Variants in BACH1 observed in about 807,000 individuals in gnomAD.
BACH1 encodes BTB domain and CNC homolog 1.
BACH1 carries 35 observed loss-of-function variants against 52.9 expected under a neutral mutation model. That is an observed-to-expected ratio of 0.66 (90% CI 0.51 to 0.88). The LOEUF is 0.88. Among genes scored for constraint, BACH1 ranks in the 40% least tolerant of loss-of-function variants. BACH1 has a pLI of 0.00. For missense variants in BACH1, 808 were observed against 872.6 expected (o/e 0.93, Z 0.93); for synonymous variants, 321 against 319.6 (o/e 1.00, Z -0.05).
chr21:29,299,118 C>T (rs1450733576), intron 1 of BACH1, among the ~76,000 whole-genome samples, 165 bp downstream of exon 1: 3 of 149,636 alleles, frequency 2.0e-5, no homozygotes, highest in Admixed American at 2.0e-4. Flanking sequence ...TATCGGGGCC[C>T]GCGGGGGGCG....
intron 2 of BACH1, among the ~76,000 whole-genome samples, chr21:29,360,247 G>A (rs549944212): frequency 5.3e-5 from 8 of 152,146 alleles, no homozygotes; most frequent in Non-Finnish European, 1.0e-4. Context: ...ACTTCCTGAC[G>A]CTGTCATAGG....
chr21:29,355,723 A>T (rs564408671), intron 2 of BACH1, among the ~76,000 whole-genome samples: 1 of 152,330 alleles, frequency 6.6e-6, no homozygotes, highest in South Asian at 2.1e-4. Context: ...AACAGATTTG[A>T]CAAGGAGGTT....
intron 2 of BACH1, among the ~76,000 whole-genome samples, chr21:29,323,045 T>C (rs1055528020): frequency 3.9e-5 from 6 of 151,998 alleles, no homozygotes; most frequent in Non-Finnish European, 8.8e-5. Context: ...AAATCATAAG[T>C]TTTCAAATAT....
At chr21:29,324,843 T>C (rs986951566) in intron 2 of BACH1, among the ~76,000 whole-genome samples, 1 of 152,226 alleles carries the variant, frequency 6.6e-6, no homozygotes, top group African/African-American at 2.4e-5. Context: ...AGTGATTTAG[T>C]TTATCGGCAT....
chr21:29,315,654 A>C (rs1364216716), intron 1 of BACH1, among the ~76,000 whole-genome samples: 3 of 152,194 alleles, frequency 2.0e-5, no homozygotes, highest in Non-Finnish European at 4.4e-5. Flanking sequence ...GACTAACAGA[A>C]CTATTTGTGA....
chr21:29,316,868 CA>C (rs1452781204), intron 1 of BACH1, among the ~76,000 whole-genome samples: 2 of 152,154 alleles, frequency 1.3e-5, no homozygotes, highest in African/African-American at 4.8e-5. Context: ...TTTTGTCCCT[CA>C]AGTCGCTGGA....
chr21:29,325,147 G>C (rs556660670), intron 2 of BACH1, among the ~76,000 whole-genome samples: 1 of 152,036 alleles, frequency 6.6e-6, no homozygotes, highest in African/African-American at 2.4e-5. Context: ...GGAGAATGGC[G>C]TGAACCCGAG....
At chr21:29,335,231 A>G (rs538923558) in intron 4 of BACH1, among the ~76,000 whole-genome samples, 5 of 152,296 alleles carry the variant, frequency 3.3e-5, no homozygotes, top group African/African-American at 1.2e-4. Context: ...TCCAGTACCC[A>G]CATTCCCCCG....
chr21:29,358,343 A>C (rs562390716), intron 2 of BACH1, among the ~76,000 whole-genome samples: 3 of 152,364 alleles, frequency 2.0e-5, no homozygotes, highest in Admixed American at 2.0e-4. Flanking sequence ...AGAGGACAAA[A>C]GAGAAAACAG....
chr21:29,328,502 A>G (rs1601357238), intron 3 of BACH1, among the ~76,000 whole-genome samples: 1 of 149,976 alleles, frequency 6.7e-6, no homozygotes, highest in African/African-American at 2.5e-5. Flanking sequence ...TTATTTTTCT[A>G]TTTTATCCAT....
At chr21:29,328,395 ATTTT>A (rs1386861178) in intron 3 of BACH1, among the ~76,000 whole-genome samples, 1 of 150,018 alleles carries the variant, frequency 6.7e-6, no homozygotes. Flanking sequence ...TAATTAAAAT[ATTTT>A]TTCTTTTTTT....
chr21:29,301,337 G>A (rs1257406588), intron 1 of BACH1, among the ~76,000 whole-genome samples: 2 of 152,120 alleles, frequency 1.3e-5, no homozygotes, highest in African/African-American at 4.8e-5. Flanking sequence ...TATAATGCGC[G>A]TGCATGTCCT....
At chr21:29,352,017 TAGAA>T (rs1378636037) in intron 2 of BACH1, among the ~76,000 whole-genome samples, 1 of 151,578 alleles carries the variant, frequency 6.6e-6, no homozygotes, top group South Asian at 2.1e-4. Context: ...TGGGGAGGAA[TAGAA>T]AGAACATAAA....
chr21:29,355,777 C>T (rs1420311406), intron 2 of BACH1, among the ~76,000 whole-genome samples: 2 of 152,224 alleles, frequency 1.3e-5, no homozygotes, highest in Admixed American at 1.3e-4. Flanking sequence ...ATGGCTGCCA[C>T]AGGACCTAGA....
Position 29,326,723 on chromosome 21 carries a change from C to A in BACH1, c.899C>A (p.Pro300Gln). The A allele has an allele frequency of 6.2e-7, 1 of 1,614,060 alleles. No homozygotes were observed. The highest frequency in any genetic ancestry group is 8.5e-7 in the Non-Finnish European group (1 of 1,180,022). The change falls in exon 3 of 5, where the codon CCA becomes CAA. Residue 300 changes from proline to glutamine, a missense_variant. Physicochemically the swap from Pro to Gln is moderately conservative, Grantham distance 76 (BLOSUM62 -1). Transcript: ENST00000286800. ...ETKKDPASQC[P>Q]TEKSEVTPFP... The stretch of plus-strand genomic sequence containing the variant: ...AAGAAAGATCCTGCTTCTCAGTGCC[C>A]AACTGAAAAATCAGAAGTGACTCCT...
chr21:29,318,382 T>A (rs895931972), intron 1 of BACH1, among the ~76,000 whole-genome samples: 4 of 152,146 alleles, frequency 2.6e-5, no homozygotes, highest in Non-Finnish European at 4.4e-5. Context: ...GAGTCCCAGA[T>A]TTCTTGTATG....
intron 1 of BACH1, among the ~76,000 whole-genome samples, chr21:29,305,734 C>T (rs974793384): frequency 3.3e-5 from 5 of 152,190 alleles, no homozygotes; most frequent in African/African-American, 4.8e-5. Context: ...TGCTGTTCTC[C>T]CCCAACTCAC....
At chr21:29,360,536 CT>C (rs1475050446) in intron 2 of BACH1, among the ~76,000 whole-genome samples, 2 of 152,132 alleles carry the variant, frequency 1.3e-5, no homozygotes, top group East Asian at 3.9e-4. Flanking sequence ...TGAGGCTCCC[CT>C]GACTGCCCTC....
intron 2 of BACH1, among the ~76,000 whole-genome samples, chr21:29,355,135 T>C (rs1313492452): frequency 6.6e-6 from 1 of 152,234 alleles, no homozygotes; most frequent in East Asian, 1.9e-4. Context: ...TCCTGCTGAT[T>C]GGTCCATTTT....
Sources: allele counts gnomAD v4.1 joint callset (sites outside exome capture counted in the v4.1 genomes callset), GRCh38; gene constraint gnomAD v4.1.1; transcripts MANE v1.5; gene names NCBI Gene and HGNC (gene_info 2026-07-23, HGNC 2026-07-21).